TTBK2: variants seen among roughly 807,000 people sequenced by gnomAD.
TTBK2 encodes tau-tubulin kinase 2.
A neutral mutation model predicts 110.8 loss-of-function variants in TTBK2; 28 were observed. That is an observed-to-expected ratio of 0.25 (90% CI 0.19 to 0.35). TTBK2 has a LOEUF of 0.35. Ranked by LOEUF, TTBK2 falls within the 10% of genes least tolerant of loss-of-function variation. The probability of loss-of-function intolerance (pLI) is 1.00; values close to 1 mark genes in which losing one functional copy is unlikely to be tolerated. For missense variants in TTBK2, 1,369 were observed against 1,500.3 expected (o/e 0.91, Z 1.45); for synonymous variants, 532 against 527.3 (o/e 1.01, Z -0.12).
At chr15:42,856,220 A>T (rs76815789) in intron 3 of TTBK2, among the ~76,000 whole-genome samples, 2,067 of 152,282 alleles carry the variant, frequency 0.014, 48 homozygotes, top group African/African-American at 0.047. Flanking sequence ...CCCAACAATA[A>T]TAACAGCATG....
At chr15:42,816,553 T>A (rs2140945979) in intron 7 of TTBK2, among the ~76,000 whole-genome samples, 2 of 152,262 alleles carry the variant, frequency 1.3e-5, no homozygotes, top group East Asian at 3.9e-4. Flanking sequence ...AATTCCATTA[T>A]CATTAGTGCC....
Position 42,746,045 on chromosome 15 carries a change from C to A in TTBK2, c.3485G>T (p.Arg1162Leu), listed in dbSNP as rs200891264. The change falls in exon 15 of 15, where the codon CGC becomes CTC. Residue 1162 changes from arginine (R) to leucine (L), a missense_variant. Physicochemically the swap from Arg to Leu is moderately radical, Grantham distance 102. This residue lies in a region of TTBK2 where 1,097 missense variants were observed against 1,114.7 expected (regional missense o/e 0.98). Transcript: ENST00000267890. ...CCTAGATGGTGAGGAACTAGACGTG[C>A]GAGGCAAGGATGAGCTTCGAGGAGA... Reference protein sequence around the residue: ...SASPRSSSLPRTSSSSPSRAG... With the variant: ...SASPRSSSLPLTSSSSPSRAG... 6.2e-7 allele frequency: 1 copy of A among 1,613,900 alleles called. No homozygotes were observed. The highest frequency in any genetic ancestry group is 8.5e-7 in the Non-Finnish European group (1 of 1,179,996).
intron 14 of TTBK2, 85 bp from the exon 15 acceptor site, chr15:42,746,342 G>GA (rs2061795177): frequency 3.6e-5 from 38 of 1,049,402 alleles, no homozygotes; most frequent in Non-Finnish European, 5.0e-5. Flanking sequence ...ATCATAATGT[G>GA]AATGTGTAGA....
At chr15:42,883,109 C>T (rs1036346407) in intron 1 of TTBK2, among the ~76,000 whole-genome samples, 11 of 152,076 alleles carry the variant, frequency 7.2e-5, no homozygotes, top group Admixed American at 1.3e-4. Flanking sequence ...GGGCTGGGCG[C>T]GGTGGCTCAC....
chr15:42,753,091 C>G lies in TTBK2; in HGVS notation c.2155G>C (p.Gly719Arg). ...ENFSGLVVTE[G>R]EPPSGGSRTD... ...CTGCTTCCTCCACTAGGAGGTTCAC[C>G]CTCTGTCACAACCAAGCCAGAGAAG... Residue 719 changes from glycine (G) to arginine (R), a missense_variant, in exon 14 of 15, where the codon GGT becomes CGT. Physicochemically the swap from Gly to Arg is moderately radical, Grantham distance 125. This residue lies in a region of TTBK2 where 1,097 missense variants were observed against 1,114.7 expected (regional missense o/e 0.98). Transcript: ENST00000267890. The G allele has an allele frequency of 6.2e-7, 1 of 1,605,170 alleles. No individual in the cohort carries two copies. The highest frequency in any genetic ancestry group is 8.5e-7 in the Non-Finnish European group (1 of 1,175,886).
intron 7 of TTBK2, among the ~76,000 whole-genome samples, chr15:42,815,934 AT>A (rs1891945617): frequency 3.0e-5 from 1 of 33,634 alleles, no homozygotes; most frequent in Non-Finnish European, 4.8e-5. Flanking sequence ...ATTTAAAAAT[AT>A]ATATATATAT....
intron 3 of TTBK2, among the ~76,000 whole-genome samples, chr15:42,857,062 C>CA (rs766162513): frequency 0.076 from 8,278 of 108,774 alleles, 625 homozygotes; most frequent in African/African-American, 0.23. Flanking sequence ...CTCTGTCTCA[C>CA]AAAAAAAAAA....
intron 10 of TTBK2, among the ~76,000 whole-genome samples, chr15:42,785,081 C>T (rs1460783168): frequency 6.7e-6 from 1 of 149,856 alleles, no homozygotes; most frequent in East Asian, 2.0e-4. Context: ...TATTTTTTTA[C>T]AGTGTGAAAT....
At chr15:42,793,898 G>A (rs532409395) in intron 10 of TTBK2, among the ~76,000 whole-genome samples, 2 of 151,866 alleles carry the variant, frequency 1.3e-5, no homozygotes, top group African/African-American at 4.8e-5. Context: ...AACTTAAATT[G>A]TATGATAATT....
chr15:42,919,655 G>T, intron 1 of TTBK2: 1 of 264,982 alleles, frequency 3.8e-6, no homozygotes, highest in Non-Finnish European at 5.8e-6. Context: ...AATGTTCAAA[G>T]AAAGAATAAT....
intron 3 of TTBK2, among the ~76,000 whole-genome samples, chr15:42,855,794 C>A (rs1455073540): frequency 3.9e-5 from 6 of 152,222 alleles, no homozygotes; most frequent in Admixed American, 3.9e-4. Flanking sequence ...ACGCCATTCT[C>A]CTGCCTCAGC....
At chr15:42,898,025 A>G (rs1303402851) in intron 1 of TTBK2, among the ~76,000 whole-genome samples, 1 of 152,132 alleles carries the variant, frequency 6.6e-6, no homozygotes, top group Non-Finnish European at 1.5e-5. Flanking sequence ...CTCCATATCT[A>G]TAAAAAGTAT....
At chr15:42,780,825 G>A (rs1001176958) in intron 11 of TTBK2, among the ~76,000 whole-genome samples, 9 of 152,150 alleles carry the variant, frequency 5.9e-5, no homozygotes, top group Non-Finnish European at 1.2e-4. Context: ...TTAGCCAAGC[G>A]TGGTGGCGGG....
intron 3 of TTBK2, among the ~76,000 whole-genome samples, chr15:42,860,460 A>G (rs778322359): frequency 6.6e-6 from 1 of 151,774 alleles, no homozygotes; most frequent in Non-Finnish European, 1.5e-5. Context: ...AACAACAACA[A>G]AAATTAGCCA....
intron 9 of TTBK2, among the ~76,000 whole-genome samples, chr15:42,796,059 G>C (rs1008720186): frequency 1.3e-5 from 2 of 151,996 alleles, no homozygotes; most frequent in African/African-American, 2.4e-5. Context: ...GTGAGTTTAG[G>C]GAGGAATAGG....
chr15:42,890,285 CA>C (rs755213076), intron 1 of TTBK2, among the ~76,000 whole-genome samples: 2 of 152,210 alleles, frequency 1.3e-5, no homozygotes, highest in African/African-American at 2.4e-5. Flanking sequence ...TACCTGCACC[CA>C]GGTGAAATAA....
chr15:42,879,772 G>A (rs967083977), intron 1 of TTBK2, among the ~76,000 whole-genome samples: 4 of 152,060 alleles, frequency 2.6e-5, no homozygotes, highest in African/African-American at 9.7e-5. Context: ...TAAGGCAAGA[G>A]GGTTGCTTGA....
chr15:42,754,922 C>T (rs1369483334), intron 13 of TTBK2, among the ~76,000 whole-genome samples: 2 of 146,886 alleles, frequency 1.4e-5, no homozygotes, highest in Non-Finnish European at 3.0e-5. Flanking sequence ...GCAGGAGAAT[C>T]GCTTGAACCC....
chr15:42,850,811 G>T (rs887366632), intron 3 of TTBK2, among the ~76,000 whole-genome samples: 2 of 151,934 alleles, frequency 1.3e-5, no homozygotes, highest in African/African-American at 4.8e-5. Flanking sequence ...TGTATGACCT[G>T]TGGACTTTTA....
Sources: gnomAD v4.1 joint callset for allele counts (sites outside exome capture counted in the v4.1 genomes callset) on GRCh38, gnomAD v4.1.1 for gene constraint, gnomAD v4.1.1 regional missense constraint, MANE v1.5 for transcripts, NCBI Gene and HGNC (gene_info 2026-07-23, HGNC 2026-07-21) for gene names.